The following RAC2 variants were observed in gnomAD, a reference collection of about 807,000 sequenced individuals.
The protein encoded by RAC2 is ras-related C3 botulinum toxin substrate 2.
Under a neutral mutation model 24.0 loss-of-function variants are expected in RAC2, and 1 was observed. The ratio of observed to expected loss-of-function variants is 0.04; its 90% CI spans 0.01 to 0.20. RAC2 has a LOEUF of 0.20. RAC2 is among the 10% of genes least tolerant of loss of function. RAC2 has a pLI of 1.00. For missense variants in RAC2, 130 were observed against 259.1 expected, an observed-to-expected ratio of 0.50 and a Z score of 3.42; for synonymous variants, 114 against 106.8, an observed-to-expected ratio of 1.07 and a Z score of -0.41.
At chr22:37,228,783 G>A (rs1040930593) in intron 5 of RAC2, among the ~76,000 whole-genome samples, 4 of 152,220 alleles carry the variant, frequency 2.6e-5, no homozygotes, top group Non-Finnish European at 5.9e-5. Flanking sequence ...CTGAGGCCAG[G>A]TGCTGGGGAG....
At chr22:37,227,653 C>T (rs1378611331) in intron 5 of RAC2, among the ~76,000 whole-genome samples, 2 of 144,218 alleles carry the variant, frequency 1.4e-5, no homozygotes, top group African/African-American at 5.2e-5. Context: ...ACAACCCCTC[C>T]CACCCCATAC....
intron 2 of RAC2, among the ~76,000 whole-genome samples, chr22:37,233,372 C>G (rs1458116713): frequency 1.3e-5 from 2 of 152,098 alleles, no homozygotes; most frequent in Non-Finnish European, 2.9e-5. Context: ...AAACTCTGCC[C>G]CCTGGGTTCA....
chr22:37,241,490 C>T lies in RAC2; in HGVS notation c.107+97G>A, dbSNP rs1210536922. On this transcript the variant is annotated intron_variant, in intron 2 of 6. Coordinates refer to ENST00000249071, the MANE Select transcript of RAC2 (RefSeq NM_002872.5). ...CTGGGCTGGAGGCTGTGGGTGCCCA[C>T]ACAGGGTCTGGCCCACAGGAAGTGC... 3.0e-6 allele frequency: 4 copies of T among 1,320,370 alleles called. No homozygotes were observed. In the African/African-American group the frequency reaches 5.8e-5, roughly 19 times the overall value. The allele number at this position is 1,320,370 out of a possible 1,614,324, so 81.8% of individuals were successfully genotyped here.
At chr22:37,242,996 C>T (rs1927452094) in intron 1 of RAC2, among the ~76,000 whole-genome samples, 1 of 150,314 alleles carries the variant, frequency 6.7e-6, no homozygotes, top group Non-Finnish European at 1.5e-5. Context: ...TGGACCTGTC[C>T]TTTTATTTTG....
intron 2 of RAC2, among the ~76,000 whole-genome samples, chr22:37,240,565 C>A (rs139394730): frequency 1.0e-3 from 158 of 152,310 alleles, no homozygotes; most frequent in African/African-American, 3.7e-3. Flanking sequence ...CAAGTCAGGT[C>A]AACTCAAAAC....
Position 37,243,977 on chromosome 22 carries a change from A to G in RAC2, c.35+137T>C. The G allele has an allele frequency of 2.5e-6, 3 of 1,206,566 alleles. No individual in the cohort carries two copies. The South Asian group carries it at 3.8e-5, about 15-fold the overall frequency. 74.7% of individuals were successfully genotyped at this position (1,206,566 alleles called of 1,614,324 possible). On this transcript the variant is annotated intron_variant, in intron 1 of 6. Transcript: ENST00000249071. ...GGGTGCTCCCTGTGGGCCCTCGGAG[A>G]AGGAAGCGTCCCCTCCAAGCTGCCT...
chr22:37,229,001 G>A (rs997141215), intron 5 of RAC2, among the ~76,000 whole-genome samples: 1 of 152,202 alleles, frequency 6.6e-6, no homozygotes, highest in Non-Finnish European at 1.5e-5. Flanking sequence ...CTGTGTTGAG[G>A]AGGTGTCACT....
At chr22:37,239,198 C>A (rs2145829642) in intron 2 of RAC2, among the ~76,000 whole-genome samples, 1 of 152,288 alleles carries the variant, frequency 6.6e-6, no homozygotes, top group East Asian at 1.9e-4. Context: ...AAACTTTGTG[C>A]CTGAAGCCAT....
rs917454378 is a variant in RAC2, at chr22:37,231,426, G to A, written c.289-36C>T. On this transcript the variant is annotated intron_variant, in intron 4 of 6. Coordinates refer to ENST00000249071, the MANE Select transcript of RAC2 (RefSeq NM_002872.5). This position sits in a 1 kb window ranked among gnomAD's most constrained non-coding sequence, Gnocchi z 5.5. ...GGGTGGGGGGACACAAGGTTGTATG[G>A]GTCAAGAGGGGGCGCGAGGCTGTGC... 2 of 1,604,400 alleles carry A rather than the reference G, an allele frequency of 1.2e-6. No individual in the cohort carries two copies. The highest frequency in any genetic ancestry group is 1.1e-5 in the South Asian group (1 of 90,904).
At chr22:37,229,547 T>G (rs1397285057) in intron 5 of RAC2, among the ~76,000 whole-genome samples, 1 of 152,226 alleles carries the variant, frequency 6.6e-6, no homozygotes. Context: ...GGCTCAGGGC[T>G]GCCCCCAAAA....
At chr22:37,236,678 C>T (rs934975850) in intron 2 of RAC2, among the ~76,000 whole-genome samples, 1 of 152,054 alleles carries the variant, frequency 6.6e-6, no homozygotes, top group African/African-American at 2.4e-5. Context: ...GGCCCCAGCA[C>T]CCAGGTATCA....
chr22:37,234,449 C>T (rs1187991809), intron 2 of RAC2, among the ~76,000 whole-genome samples: 1 of 152,168 alleles, frequency 6.6e-6, no homozygotes, highest in Non-Finnish European at 1.5e-5. Flanking sequence ...CCAGTGACCA[C>T]GACCAGTGCT....
intron 5 of RAC2, among the ~76,000 whole-genome samples, chr22:37,229,109 A>T (rs1926976954): frequency 6.6e-6 from 1 of 151,888 alleles, no homozygotes; most frequent in African/African-American, 2.4e-5. Flanking sequence ...CCACCCACTC[A>T]CCCAGGACAA....
At chr22:37,228,839 A>G (rs1485682352) in intron 5 of RAC2, among the ~76,000 whole-genome samples, 3 of 152,114 alleles carry the variant, frequency 2.0e-5, no homozygotes, top group Admixed American at 6.5e-5. Flanking sequence ...CTCAGAGAGG[A>G]TGTCACTCGC....
rs9610680 is a variant in RAC2, at chr22:37,225,911, G to A, written c.*131C>T. On this transcript the variant is annotated 3_prime_UTR_variant, in exon 7 of 7. Transcript: ENST00000249071. ...CTCCAGTACAGAAAAGACCATCAAC[G>A]AAGCTCTGCAGCCATCTGCTAAGAA... is the stretch of plus-strand genomic sequence containing the variant. 0.24 allele frequency: 36,212 copies of A among 152,380 alleles called. 5,123 individuals are homozygous for A. Among genetic ancestry groups the A allele is most frequent in the African/African-American group, 0.4 (16,574 of 41,416 alleles). 9.4% of individuals were successfully genotyped at this position (152,380 alleles called of 1,614,324 possible).
At chr22:37,242,530 C>G (rs1927433550) in intron 1 of RAC2, among the ~76,000 whole-genome samples, 1 of 152,190 alleles carries the variant, frequency 6.6e-6, no homozygotes, top group Non-Finnish European at 1.5e-5. Flanking sequence ...AGGGACAGCT[C>G]TGGGCCTTCC....
Position 37,231,832 on chromosome 22 carries a change from C to A in RAC2, c.288+100G>T. The A allele has an allele frequency of 2.9e-6, 4 of 1,387,530 alleles. No individual in the cohort carries two copies. Among genetic ancestry groups the A allele is most frequent in the Non-Finnish European group, 4.0e-6 (4 of 1,002,774 alleles). The allele number at this position is 1,387,530 out of a possible 1,614,324, so 86.0% of individuals were successfully genotyped here. A position where few individuals can be genotyped will look rare whatever the true frequency, so the allele number is the denominator to read the frequency against. On this transcript the variant is annotated intron_variant, in intron 4 of 6. Transcript: ENST00000249071. This position sits in a 1 kb window ranked among gnomAD's most constrained non-coding sequence, Gnocchi z 5.5. ...ACTGGGGACCCTCTCTGTATGCGAC[C>A]TCTGCTGCCCCAGGGACCAGCCTAG... is the stretch of plus-strand genomic sequence containing the variant.
At chr22:37,240,282 G>T (rs1410891236) in intron 2 of RAC2, among the ~76,000 whole-genome samples, 1 of 152,214 alleles carries the variant, frequency 6.6e-6, no homozygotes, top group Non-Finnish European at 1.5e-5. Flanking sequence ...TGAAAGGGGG[G>T]TTCATTAAGA....
rs141269495 is a variant in RAC2, at chr22:37,231,543, C to T, written c.289-153G>A. On this transcript the variant is annotated intron_variant, in intron 4 of 6. Transcript: ENST00000249071. This position sits in a 1 kb window ranked among gnomAD's most constrained non-coding sequence, Gnocchi z 5.5. ...GGGCACGACGGTGAGGAGAGAGAGA[C>T]GTGAGGTGGCACAGGGAGGGGAGGC... The T allele has an allele frequency of 1.2e-3, 838 of 695,272 alleles. 6 individuals carry two copies. The African/African-American group carries it at 0.013, about 11-fold the overall frequency. 43.1% of individuals were successfully genotyped at this position (695,272 alleles called of 1,614,324 possible). A position where few individuals can be genotyped will look rare whatever the true frequency, so the allele number is the denominator to read the frequency against.
Sources: allele counts gnomAD v4.1 joint callset (sites outside exome capture counted in the v4.1 genomes callset), GRCh38; gene constraint gnomAD v4.1.1; non-coding constraint Gnocchi (gnomAD v3.1); transcripts MANE v1.5; gene names NCBI Gene and HGNC (gene_info 2026-07-23, HGNC 2026-07-21).